MAOB: variants seen among roughly 807,000 people sequenced by gnomAD.
The protein encoded by MAOB is monoamine oxidase B.
MAOB carries 15 observed loss-of-function variants against 41.9 expected under a neutral mutation model. The observed-to-expected ratio is 0.36, with a 90% confidence interval of 0.24 to 0.55. MAOB has a LOEUF of 0.55. Ranked by LOEUF, MAOB falls within the 20% of genes least tolerant of loss-of-function variation. The pLI is 0.86. For missense variants in MAOB, 345 were observed against 398.7 expected (o/e 0.87, Z 1.15); for synonymous variants, 167 against 144.2 (o/e 1.16, Z -1.13).
chrX:43,789,037 G>A (rs1390205616), intron 8 of MAOB, among the ~76,000 whole-genome samples: 1 of 111,222 alleles, frequency 9.0e-6, no homozygotes, highest in Admixed American at 9.6e-5. Flanking sequence ...TGAGACCCAA[G>A]CCCAAATACC....
At chrX:43,850,675 A>G (rs1020457623) in intron 1 of MAOB, among the ~76,000 whole-genome samples, 6 of 112,473 alleles carry the variant, frequency 5.3e-5, no homozygotes, top group African/African-American at 1.6e-4. Context: ...TCTCGGAAAC[A>G]TGATAACCTT....
chrX:43,840,520 C>T (rs1477991601), intron 2 of MAOB, among the ~76,000 whole-genome samples: 2 of 109,438 alleles, frequency 1.8e-5, no homozygotes, highest in Non-Finnish European at 3.8e-5. Context: ...ATAGGAACAG[C>T]TCCAGTCTGC....
intron 12 of MAOB, among the ~76,000 whole-genome samples, chrX:43,774,469 TA>T (rs748828617): frequency 1.8e-5 from 2 of 111,140 alleles, no homozygotes; most frequent in African/African-American, 6.5e-5. Context: ...GATCAAAAAA[TA>T]AAAAAAACTC....
In MAOB at chrX:43,771,265, G is replaced by A. The variant is rs1254631829; in HGVS notation, c.1236-1847C>T. Among the ~76,000 whole-genome samples the A allele has an allele frequency of 6.3e-5, 7 of 111,893 alleles. 1 individual carries two copies. Among genetic ancestry groups the A allele is most frequent in the Non-Finnish European group, 1.3e-4 (7 of 53,173 alleles). On this transcript the variant is annotated intron_variant, in intron 12 of 14. Transcript: ENST00000378069. ...CATTCTGTCTTTCACTTTCAATACC[G>A]TATTTAAAACTTGACATGAAATATT...
chrX:43,807,493 A>C (rs1348046717), intron 3 of MAOB, among the ~76,000 whole-genome samples: 2 of 112,156 alleles, frequency 1.8e-5, no homozygotes, highest in Non-Finnish European at 3.8e-5. Flanking sequence ...TGCATTTACT[A>C]TTCTATCTCA....
intron 8 of MAOB, among the ~76,000 whole-genome samples, chrX:43,782,866 C>T (rs2034351594): frequency 1.8e-5 from 2 of 111,694 alleles, no homozygotes; most frequent in African/African-American, 3.3e-5. Context: ...TAATCCGTCA[C>T]GTAAACAGAA....
At chrX:43,823,326 C>T (rs2034906536) in intron 3 of MAOB, among the ~76,000 whole-genome samples, 1 of 108,708 alleles carries the variant, frequency 9.2e-6, no homozygotes, top group Non-Finnish European at 1.9e-5. Context: ...GTGTGTGCCA[C>T]CACACCCGGC....
At chrX:43,823,528 A>G (rs2034909079) in intron 3 of MAOB, among the ~76,000 whole-genome samples, 1 of 111,205 alleles carries the variant, frequency 9.0e-6, no homozygotes, top group African/African-American at 3.3e-5. Context: ...ACACAGTCAC[A>G]TATGTTGTTC....
chrX:43,802,855 G>A (rs2034613841), intron 4 of MAOB, among the ~76,000 whole-genome samples: 1 of 111,076 alleles, frequency 9.0e-6, no homozygotes, highest in South Asian at 3.9e-4. Context: ...TAGACGATGG[G>A]TTGATAGATG....
chrX:43,870,794 C>CAAAAAAAAAAAA (rs763016344), intron 1 of MAOB, among the ~76,000 whole-genome samples: 1 of 21,923 alleles, frequency 4.6e-5, no homozygotes, highest in Non-Finnish European at 7.8e-5. Context: ...GACTCCACCT[C>CAAAAAAAAAAAA]AAAAAAAAAA....
At chrX:43,807,841 A>G (rs1375181351) in intron 3 of MAOB, among the ~76,000 whole-genome samples, 2 of 112,300 alleles carry the variant, frequency 1.8e-5, no homozygotes, top group Non-Finnish European at 3.8e-5. Flanking sequence ...TATGCTTGAT[A>G]TAATCTCAGC....
chrX:43,792,609 C>T (rs1569213955), intron 8 of MAOB, among the ~76,000 whole-genome samples: 1 of 111,875 alleles, frequency 8.9e-6, no homozygotes, highest in Non-Finnish European at 1.9e-5. Flanking sequence ...TACTAATCAT[C>T]AGATAAATGC....
chrX:43,806,798 G>A (rs2034667251), intron 3 of MAOB, among the ~76,000 whole-genome samples: 1 of 111,628 alleles, frequency 9.0e-6, no homozygotes, highest in African/African-American at 3.3e-5. Flanking sequence ...ACATATATAT[G>A]TGTTTTATAC....
rs181784502 is a variant in MAOB at position 43,794,796 on chromosome X, G to C, written c.768+943C>G. ...TAAAGTGTGTGACATTGTTGACTTCGGCTTTGATTATCTATGAGACTGTGG... is the reference window on the plus strand; with the variant it reads ...TAAAGTGTGTGACATTGTTGACTTCCGCTTTGATTATCTATGAGACTGTGG... On this transcript the variant is annotated intron_variant, in intron 7 of 14. Coordinates refer to ENST00000378069, the MANE Select transcript of MAOB (RefSeq NM_000898.5). Among the ~76,000 whole-genome samples the C allele has an allele frequency of 1.5e-4, 16 of 109,367 alleles. No homozygotes were observed. The Admixed American group carries it at 1.6e-3, about 11-fold the overall frequency. The allele number at this position is 109,367 out of a possible 115,157, so 95.0% of individuals were successfully genotyped here.
intron 1 of MAOB, among the ~76,000 whole-genome samples, chrX:43,857,362 T>C (rs751425095): frequency 6.2e-4 from 67 of 107,370 alleles, no homozygotes; most frequent in African/African-American, 2.0e-3. Context: ...GTATTTTTAG[T>C]AGAGATGGGG....
intron 8 of MAOB, among the ~76,000 whole-genome samples, chrX:43,787,453 T>C (rs923859538): frequency 8.9e-6 from 1 of 111,990 alleles, no homozygotes; most frequent in Non-Finnish European, 1.9e-5. Context: ...AATGCTGCCA[T>C]AGGATTAGAT....
chrX:43,853,267 C>CAAA (rs397957481), intron 1 of MAOB, among the ~76,000 whole-genome samples: 10 of 26,387 alleles, frequency 3.8e-4, no homozygotes, highest in East Asian at 9.3e-4. Flanking sequence ...GAGTCCGTCT[C>CAAA]AAAAAAAAAA....
At chrX:43,833,209 T>G (rs1174351115) in intron 3 of MAOB, among the ~76,000 whole-genome samples, 1 of 111,366 alleles carries the variant, frequency 9.0e-6, no homozygotes, top group Non-Finnish European at 1.9e-5. Flanking sequence ...AATTCACAAC[T>G]AAATAACTTA....
intron 1 of MAOB, among the ~76,000 whole-genome samples, chrX:43,856,921 A>G (rs999994458): frequency 6.8e-5 from 7 of 103,389 alleles, no homozygotes; most frequent in African/African-American, 2.5e-4. Context: ...GTACTTTCAC[A>G]TTATTTTCTC....
Sources: allele counts gnomAD v4.1 joint callset (sites outside exome capture counted in the v4.1 genomes callset), GRCh38; gene constraint gnomAD v4.1.1; transcripts MANE v1.5; gene names NCBI Gene and HGNC (gene_info 2026-07-23, HGNC 2026-07-21).